The following ADIPOR1 variants were observed in gnomAD, a reference collection of about 807,000 sequenced individuals.
ADIPOR1 encodes adiponectin receptor protein 1.
In ADIPOR1, 15 loss-of-function variants were observed where a neutral mutation model predicts 37.5. The observed-to-expected ratio is 0.40, with a 90% CI of 0.27 to 0.62. The LOEUF (loss-of-function observed/expected upper bound fraction) is 0.62. Among genes scored for constraint, ADIPOR1 ranks in the 20% least tolerant of loss-of-function variants. The probability of loss-of-function intolerance (pLI) is 0.42; values close to 1 mark genes in which losing one functional copy is unlikely to be tolerated. For synonymous variants in ADIPOR1, 173 were observed against 173.2 expected, an observed-to-expected ratio of 1.00 and a Z score of 0.01; for missense variants, 286 against 478.0, an observed-to-expected ratio of 0.60 and a Z score of 3.75.
At chr1:202,944,133 T>C in intron 5 of ADIPOR1, 188 bp from the exon 6 acceptor site, 2 of 541,746 alleles carry the variant, frequency 3.7e-6, no homozygotes, top group Non-Finnish European at 6.4e-6. Context: ...ACTTCTATTT[T>C]ACGATGGAAA....
In ADIPOR1 at chr1:202,941,410, T is replaced by C; in HGVS notation, c.*163A>G. The C allele has an allele frequency of 2.6e-6, 2 of 775,752 alleles. No individual in the cohort carries two copies. Among genetic ancestry groups the C allele is most frequent in the Admixed American group, 3.6e-5 (1 of 27,756 alleles). The allele number at this position is 775,752 out of a possible 1,614,324, so 48.1% of individuals were successfully genotyped here. A position where few individuals can be genotyped will look rare whatever the true frequency, so the allele number is the denominator to read the frequency against. Reference sequence around the variant, plus strand: ...TAGGAGAATGGAAATGGAAAGTTTATTGCCCAGTGGGTGTGAAAGTGGGCT... The same window carrying C: ...TAGGAGAATGGAAATGGAAAGTTTACTGCCCAGTGGGTGTGAAAGTGGGCT... On this transcript the variant is annotated 3_prime_UTR_variant, in exon 8 of 8. Coordinates refer to ENST00000340990, the MANE Select transcript of ADIPOR1 (RefSeq NM_015999.6).
chr1:202,956,098 A>G (rs1357943130), intron 1 of ADIPOR1, among the ~76,000 whole-genome samples: 1 of 152,250 alleles, frequency 6.6e-6, no homozygotes, highest in Non-Finnish European at 1.5e-5. Flanking sequence ...ATTTCTGAGC[A>G]GGAAAATGGG....
intron 6 of ADIPOR1, among the ~76,000 whole-genome samples, chr1:202,943,256 G>C (rs548530151): frequency 6.6e-6 from 1 of 152,310 alleles, no homozygotes; most frequent in East Asian, 1.9e-4. Flanking sequence ...TGGTGTTGCT[G>C]CAAGTAATAA....
chr1:202,948,272 C>T (rs747618824), intron 3 of ADIPOR1, 32 bp downstream of exon 3: 2 of 1,535,602 alleles, frequency 1.3e-6, no homozygotes, highest in African/African-American at 1.4e-5. Flanking sequence ...TGCTGCCCTT[C>T]CCCTTCCAGG....
At chr1:202,949,880 T>G (rs1473081996) in intron 2 of ADIPOR1, among the ~76,000 whole-genome samples, 1 of 152,192 alleles carries the variant, frequency 6.6e-6, no homozygotes, top group South Asian at 2.1e-4. Flanking sequence ...AGGCTGCACT[T>G]TCTAACCTCC....
In ADIPOR1 at chr1:202,941,466, G is replaced by C; in HGVS notation, c.*107C>G. The C allele has an allele frequency of 7.2e-7, 1 of 1,385,238 alleles. No individual in the cohort carries two copies. 85.8% of individuals were successfully genotyped at this position (1,385,238 alleles called of 1,614,324 possible). ...TTGGTTGGTACTGAATTCTCTAAGAGGTTTCTTCTAGAAACAGACAACTCA... is the reference window on the plus strand; with the variant it reads ...TTGGTTGGTACTGAATTCTCTAAGACGTTTCTTCTAGAAACAGACAACTCA... On this transcript the variant is annotated 3_prime_UTR_variant, in exon 8 of 8. Coordinates refer to ENST00000340990, the MANE Select transcript of ADIPOR1 (RefSeq NM_015999.6).
intron 2 of ADIPOR1, among the ~76,000 whole-genome samples, chr1:202,949,746 A>G (rs1387156509): frequency 6.6e-6 from 1 of 152,040 alleles, no homozygotes; most frequent in African/African-American, 2.4e-5. Context: ...TAGTAAACAC[A>G]TGGTCCATCT....
chr1:202,942,957 C>G (rs558885464), intron 6 of ADIPOR1, among the ~76,000 whole-genome samples: 55 of 151,540 alleles, frequency 3.6e-4, no homozygotes, highest in Middle Eastern at 3.4e-3. Context: ...CCTCTGCCCC[C>G]GACCAGGTTC....
intron 1 of ADIPOR1, among the ~76,000 whole-genome samples, chr1:202,956,652 T>C (rs1036616244): frequency 2.6e-5 from 4 of 152,042 alleles, no homozygotes; most frequent in Non-Finnish European, 4.4e-5. Flanking sequence ...GATTGATAGA[T>C]AGAGATGGAA....
intron 5 of ADIPOR1, 196 bp from the exon 6 acceptor site, chr1:202,944,141 A>G (rs1654210408): frequency 1.9e-6 from 1 of 519,796 alleles, no homozygotes; most frequent in South Asian, 3.3e-5. Context: ...TTTACGATGG[A>G]AAAATCTCTA....
chr1:202,949,311 T>G (rs547827410), intron 2 of ADIPOR1, among the ~76,000 whole-genome samples: 1 of 150,878 alleles, frequency 6.6e-6, no homozygotes, highest in East Asian at 2.0e-4. Context: ...CCGGGCGCGG[T>G]GGCTCACGCC....
Position 202,942,229 on chromosome 1 carries a change from CAGACATA to C in ADIPOR1, c.806-18_806-12del. The C allele has an allele frequency of 1.2e-6, 2 of 1,609,140 alleles. No individual in the cohort carries two copies. The highest frequency in any genetic ancestry group is 1.7e-6 in the Non-Finnish European group (2 of 1,177,152). On this transcript the variant is annotated splice_polypyrimidine_tract_variant and intron_variant, in intron 6 of 7. Coordinates refer to ENST00000340990, the MANE Select transcript of ADIPOR1 (RefSeq NM_015999.6). ...GTCCCAGGAACACGCCTGAACAGAA[CAGACATA>C]AGACTGTCAAACAAGGAAACAGCCA...
intron 1 of ADIPOR1, among the ~76,000 whole-genome samples, chr1:202,956,822 C>T (rs528083229): frequency 6.6e-6 from 1 of 152,290 alleles, no homozygotes; most frequent in Admixed American, 6.5e-5. Context: ...AGGTGGTGTA[C>T]TTTATAAATC....
intron 5 of ADIPOR1, 22 bp downstream of exon 5, chr1:202,944,961 C>T: frequency 6.3e-7 from 1 of 1,599,668 alleles, no homozygotes; most frequent in Admixed American, 1.7e-5. Context: ...CAGTATTTTC[C>T]TATGGTGTTC....
At chr1:202,950,445 G>A (rs532905961) in intron 2 of ADIPOR1, among the ~76,000 whole-genome samples, 115 of 151,996 alleles carry the variant, frequency 7.6e-4, no homozygotes, top group African/African-American at 2.4e-3. Context: ...CTTTCTTCTC[G>A]TTTCCCTTTC....
intron 1 of ADIPOR1, among the ~76,000 whole-genome samples, chr1:202,957,700 C>T (rs748698600): frequency 3.5e-4 from 53 of 152,200 alleles, no homozygotes; most frequent in Admixed American, 2.6e-4. Flanking sequence ...CAGGACTTGA[C>T]CTGCCAAAGA....
intron 1 of ADIPOR1, among the ~76,000 whole-genome samples, chr1:202,954,060 C>T (rs1654685452): frequency 1.3e-5 from 2 of 152,154 alleles, no homozygotes; most frequent in African/African-American, 4.8e-5. Flanking sequence ...TTTTTCAGTC[C>T]AAATCATTTA....
chr1:202,951,395 G>A (rs1288182560), intron 1 of ADIPOR1, among the ~76,000 whole-genome samples: 1 of 152,072 alleles, frequency 6.6e-6, no homozygotes, highest in African/African-American at 2.4e-5. Context: ...CTAGTTGCTT[G>A]CTTTCATATG....
At chr1:202,949,221 A>G (rs948049022) in intron 2 of ADIPOR1, among the ~76,000 whole-genome samples, 1 of 152,082 alleles carries the variant, frequency 6.6e-6, no homozygotes, top group Non-Finnish European at 1.5e-5. Flanking sequence ...AGCAGCTCCC[A>G]GGAGTACCAG....
Sources: gnomAD v4.1 joint callset for allele counts (sites outside exome capture counted in the v4.1 genomes callset) on GRCh38, gnomAD v4.1.1 for gene constraint, MANE v1.5 for transcripts, NCBI Gene and HGNC (gene_info 2026-07-23, HGNC 2026-07-21) for gene names.